Variants in CUBN observed in about 807,000 individuals in gnomAD.
The protein encoded by CUBN is 460 kDa receptor.
In CUBN, 282 loss-of-function variants were observed where a neutral mutation model predicts 405.3. The observed-to-expected ratio is 0.70, with a 90% confidence interval of 0.63 to 0.77. The LOEUF is 0.77. Among genes scored for constraint, CUBN ranks in the 30% least tolerant of loss-of-function variants. The pLI, the probability that CUBN is intolerant of heterozygous loss-of-function variation, is 0.00. For synonymous variants in CUBN, 1,684 were observed against 1,617.0 expected (o/e 1.04, Z -0.99); for missense variants, 4,514 against 4,475.2 (o/e 1.01, Z -0.25).
rs202229367 is a variant in CUBN at position 16,913,938 on chromosome 10, G to A, written c.7406C>T (p.Pro2469Leu). Residue 2469 changes from proline to leucine, a missense_variant, in exon 48 of 67, where the codon CCG (proline) becomes CTG (leucine). Around this residue, in one of 5 missense-constraint regions of CUBN, gnomAD observed 1,613 missense variants for 1,542.8 expected, o/e 1.05. Transcript: ENST00000377833. ...GATCCGGCCATGAGGATTTGGGTTC[G>A]GGTAGTTGGGAGAAGTAAATGTTCC... ...SIGTFTSPNY[P>L]NPNPHGRICE... 78 of 1,613,950 alleles carry A rather than the reference G, an allele frequency of 4.8e-5. No individual in the cohort carries two copies. The highest frequency in any genetic ancestry group is 1.1e-4 in the South Asian group (10 of 91,070).
intron 22 of CUBN, among the ~76,000 whole-genome samples, chr10:17,061,547 T>C (rs1455123417): frequency 6.6e-6 from 1 of 152,208 alleles, no homozygotes; most frequent in African/African-American, 2.4e-5. Flanking sequence ...TTTGTCATCA[T>C]TTCTTAACTT....
chr10:16,835,208 A>G lies in CUBN; in HGVS notation c.10181-13T>C. Reference sequence around the variant, plus strand: ...TCTCTGTTGCAATCTTAGAGGAAAAATAGGCATAATTAATGTACGCATTCC... The same window carrying G: ...TCTCTGTTGCAATCTTAGAGGAAAAGTAGGCATAATTAATGTACGCATTCC... On this transcript the variant is annotated splice_polypyrimidine_tract_variant and intron_variant, in intron 63 of 66. Coordinates refer to ENST00000377833, the MANE Select transcript of CUBN (RefSeq NM_001081.4). 1.2e-6 allele frequency: 2 copies of G among 1,605,396 alleles called. No individual in the cohort carries two copies. The highest frequency in any genetic ancestry group is 1.7e-6 in the Non-Finnish European group (2 of 1,172,012).
At chr10:16,951,687 G>A (rs536395064) in intron 33 of CUBN, among the ~76,000 whole-genome samples, 1 of 152,188 alleles carries the variant, frequency 6.6e-6, no homozygotes, top group East Asian at 1.9e-4. Flanking sequence ...TAAGATTCTA[G>A]GGTTCCAAAA....
rs1316248047 is a variant in CUBN, at chr10:17,071,499, C to T, written c.2552G>A (p.Ser851Asn). ...AGTGAAGTTGAGGAGAATGACTTGG[C>T]TTTGGGGCTGGTGGATGGTCCACCT... ...TCRWTIHQPQ[S>N]QVILLNFTVF... is the part of the protein sequence containing the mutation. The change falls in exon 19 of 67, where the codon AGC becomes AAC. Residue 851 changes from serine to asparagine, a missense_variant. Ser to Asn is a conservative substitution (Grantham distance 46). Coordinates refer to ENST00000377833, the MANE Select transcript of CUBN (RefSeq NM_001081.4). 2.5e-6 allele frequency: 4 copies of T among 1,613,824 alleles called. No homozygotes were observed. The highest frequency in any genetic ancestry group is 2.7e-5 in the African/African-American group (2 of 74,882).
At chr10:16,934,758 G>A (rs765846735) in intron 39 of CUBN, among the ~76,000 whole-genome samples, 5 of 152,114 alleles carry the variant, frequency 3.3e-5, no homozygotes, top group Non-Finnish European at 5.9e-5. Flanking sequence ...CTTTTAAACC[G>A]AGACATCCAA....
intron 28 of CUBN, among the ~76,000 whole-genome samples, chr10:16,993,695 T>C (rs1833656079): frequency 1.3e-5 from 2 of 151,482 alleles, no homozygotes; most frequent in South Asian, 2.1e-4. Context: ...AGAGATGGGG[T>C]TTCATCACCA....
At chr10:16,862,247 A>G (rs1188712347) in intron 59 of CUBN, among the ~76,000 whole-genome samples, 1 of 151,938 alleles carries the variant, frequency 6.6e-6, no homozygotes, top group Non-Finnish European at 1.5e-5. Flanking sequence ...AAGGCTTACT[A>G]AGAAAATCAG....
chr10:16,902,172 A>G (rs1428907582), intron 51 of CUBN, among the ~76,000 whole-genome samples: 1 of 136,530 alleles, frequency 7.3e-6, no homozygotes, highest in Non-Finnish European at 1.5e-5. Flanking sequence ...TATACTATAT[A>G]TAGTATATAT....
At chr10:16,930,536 A>G (rs1342438143) in intron 40 of CUBN, among the ~76,000 whole-genome samples, 1 of 152,244 alleles carries the variant, frequency 6.6e-6, no homozygotes, top group Non-Finnish European at 1.5e-5. Context: ...GAACTAGATT[A>G]AAGGATTACT....
rs147360996 is a variant in CUBN at position 16,919,633 on chromosome 10, G to C, written c.6821+330C>G. 2.0e-3 allele frequency among the ~76,000 whole-genome samples: 300 copies of C among 152,240 alleles called. 16 individuals are homozygous for C. In the East Asian group the frequency reaches 0.05, roughly 25 times the overall value. ...TTATCATTTGTGACACCGAATATGAGGCTGGTCAAATAAATATTCATCTAT... is the reference window on the plus strand; with the variant it reads ...TTATCATTTGTGACACCGAATATGACGCTGGTCAAATAAATATTCATCTAT... On this transcript the variant is annotated intron_variant, in intron 44 of 66. Coordinates refer to ENST00000377833, the MANE Select transcript of CUBN (RefSeq NM_001081.4).
intron 27 of CUBN, 102 bp downstream of exon 27, chr10:17,040,931 G>A (rs978265811): frequency 6.6e-5 from 72 of 1,086,550 alleles, no homozygotes; most frequent in Non-Finnish European, 9.2e-5. Flanking sequence ...GATGCGTGGG[G>A]CAGAGTTAGG....
At chr10:16,833,992 G>A (rs1286645452) in intron 64 of CUBN, among the ~76,000 whole-genome samples, 3 of 152,204 alleles carry the variant, frequency 2.0e-5, no homozygotes, top group Non-Finnish European at 4.4e-5. Flanking sequence ...TTTAGAGACG[G>A]TCAGGATGAG....
intron 19 of CUBN, among the ~76,000 whole-genome samples, chr10:17,071,195 T>C (rs1011340153): frequency 2.0e-5 from 3 of 152,268 alleles, no homozygotes; most frequent in Middle Eastern, 3.4e-3. Flanking sequence ...GGGTTTTATA[T>C]CAACCTAGAA....
chr10:16,902,785 T>C (rs1242384365), intron 51 of CUBN, among the ~76,000 whole-genome samples: 2 of 152,120 alleles, frequency 1.3e-5, no homozygotes, highest in Non-Finnish European at 2.9e-5. Context: ...GAGTGAAGTC[T>C]GAGAGGGTAA....
At chr10:17,033,566 G>GCAAAA (rs1564488620) in intron 27 of CUBN, among the ~76,000 whole-genome samples, 2 of 152,150 alleles carry the variant, frequency 1.3e-5, no homozygotes, top group African/African-American at 4.8e-5. Context: ...CACAGCAAAC[G>GCAAAA]CAAAACAAAA....
chr10:17,123,184 C>G (rs1336428053), intron 5 of CUBN, among the ~76,000 whole-genome samples: 1 of 152,060 alleles, frequency 6.6e-6, no homozygotes, highest in African/African-American at 2.4e-5. Flanking sequence ...TCTGGGAATA[C>G]TTACTTAACT....
intron 10 of CUBN, among the ~76,000 whole-genome samples, chr10:17,108,324 G>A (rs1243781692): frequency 6.6e-6 from 1 of 152,048 alleles, no homozygotes; most frequent in Non-Finnish European, 1.5e-5. Context: ...TAGAAATCAT[G>A]CTCCTAACCA....
chr10:17,047,960 G>A (rs911573848), intron 22 of CUBN, among the ~76,000 whole-genome samples: 11 of 152,274 alleles, frequency 7.2e-5, no homozygotes, highest in Admixed American at 2.0e-4. Context: ...CTTTTCATAA[G>A]CTCCCTTTAA....
intron 27 of CUBN, among the ~76,000 whole-genome samples, chr10:17,036,229 G>C (rs888511260): frequency 1.3e-5 from 2 of 152,152 alleles, no homozygotes; most frequent in Non-Finnish European, 2.9e-5. Flanking sequence ...GTCACCAAGG[G>C]AAAGTCTGGT....
Sources: gnomAD v4.1 joint callset for allele counts (sites outside exome capture counted in the v4.1 genomes callset) on GRCh38, gnomAD v4.1.1 for gene constraint, gnomAD v4.1.1 regional missense constraint, MANE v1.5 for transcripts, NCBI Gene and HGNC (gene_info 2026-07-23, HGNC 2026-07-21) for gene names.